DLC1: variants seen among roughly 807,000 people sequenced by gnomAD.
DLC1 encodes the protein DLC1 Rho GTPase activating protein, also known as rho GTPase-activating protein 7.
In DLC1, 54 loss-of-function variants were observed where a neutral mutation model predicts 140.3. That is an observed-to-expected ratio of 0.38 (90% CI 0.31 to 0.48). The LOEUF is 0.48. DLC1 is among the 20% of genes least tolerant of loss of function. The pLI, the probability that DLC1 is intolerant of heterozygous loss-of-function variation, is 0.96. For synonymous variants in DLC1, 986 were observed against 728.1 expected (o/e 1.35, Z -5.70); for missense variants, 2,536 against 1,907.0 (o/e 1.33, Z -6.14).
intron 1 of DLC1, among the ~76,000 whole-genome samples, chr8:13,583,539 A>T (rs181673341): frequency 6.6e-6 from 1 of 152,202 alleles, no homozygotes; most frequent in African/African-American, 2.4e-5. Flanking sequence ...AAAGTAATCC[A>T]GGAGGGTTGG....
chr8:13,135,848 C>T (rs1822530112), intron 5 of DLC1, among the ~76,000 whole-genome samples: 1 of 152,144 alleles, frequency 6.6e-6, no homozygotes, highest in African/African-American at 2.4e-5. Flanking sequence ...ATGCCACTGT[C>T]CCTGGATCTT....
At chr8:13,129,086 C>A (rs1358809755) in intron 5 of DLC1, among the ~76,000 whole-genome samples, 1 of 152,190 alleles carries the variant, frequency 6.6e-6, no homozygotes. Flanking sequence ...CCCTTCTCAG[C>A]TGGGAATCTA....
chr8:13,534,031 T>C (rs750157637), intron 1 of DLC1, among the ~76,000 whole-genome samples: 7 of 152,220 alleles, frequency 4.6e-5, no homozygotes, highest in Non-Finnish European at 8.8e-5. Flanking sequence ...GAAAATGGAC[T>C]AATACATGCT....
intron 1 of DLC1, among the ~76,000 whole-genome samples, chr8:13,598,857 C>CT (rs941069556): frequency 9.2e-5 from 14 of 151,424 alleles, no homozygotes; most frequent in Non-Finnish European, 1.6e-4. Flanking sequence ...TAATTTAAAA[C>CT]TTTTTTTTGG....
At chr8:13,598,905 C>G (rs892403575) in intron 1 of DLC1, among the ~76,000 whole-genome samples, 10 of 151,508 alleles carry the variant, frequency 6.6e-5, no homozygotes, top group African/African-American at 2.2e-4. Context: ...CTAATATTTT[C>G]ATTATTCTAA....
At chr8:13,391,878 C>G (rs182697608) in intron 4 of DLC1, among the ~76,000 whole-genome samples, 24 of 138,304 alleles carry the variant, frequency 1.7e-4, no homozygotes, top group East Asian at 9.6e-4. Context: ...AAAAAGTGAG[C>G]CCCACACCTG....
At chr8:13,497,380 A>G (rs926361984) in intron 2 of DLC1, among the ~76,000 whole-genome samples, 6 of 152,200 alleles carry the variant, frequency 3.9e-5, no homozygotes, top group Admixed American at 1.3e-4. Flanking sequence ...CATTTAATCT[A>G]TTTATTAGAA....
At chr8:13,493,644 A>C (rs1585200682) in intron 2 of DLC1, among the ~76,000 whole-genome samples, 1 of 152,326 alleles carries the variant, frequency 6.6e-6, no homozygotes, top group East Asian at 1.9e-4. Context: ...TATACTGTTA[A>C]ATATAATTAC....
At chr8:13,474,654 C>G (rs1412757049) in intron 2 of DLC1, among the ~76,000 whole-genome samples, 1 of 152,186 alleles carries the variant, frequency 6.6e-6, no homozygotes, top group Non-Finnish European at 1.5e-5. Flanking sequence ...GGTGGAGCCA[C>G]TCAAGATCAT....
chr8:13,228,096 T>A (rs1219179599), intron 5 of DLC1, among the ~76,000 whole-genome samples: 1 of 152,176 alleles, frequency 6.6e-6, no homozygotes, highest in Non-Finnish European at 1.5e-5. Flanking sequence ...ACTGTAAATC[T>A]GTATATAAAT....
At chr8:13,336,597 G>T (rs562450284) in intron 4 of DLC1, among the ~76,000 whole-genome samples, 1 of 152,148 alleles carries the variant, frequency 6.6e-6, no homozygotes, top group Admixed American at 6.5e-5. Flanking sequence ...CTATTGTGTG[G>T]TAGAAAAAAC....
chr8:13,502,273 C>G (rs553104090), intron 1 of DLC1, among the ~76,000 whole-genome samples: 17 of 152,196 alleles, frequency 1.1e-4, no homozygotes, highest in African/African-American at 3.9e-4. Context: ...TAAGATAAAT[C>G]CAATAAAGCA....
intron 5 of DLC1, among the ~76,000 whole-genome samples, chr8:13,301,329 T>G (rs1832182148): frequency 6.6e-6 from 1 of 152,218 alleles, no homozygotes; most frequent in Non-Finnish European, 1.5e-5. Flanking sequence ...GAAAGTGATC[T>G]TTCTTCTTCC....
At chr8:13,447,803 T>G (rs189738563) in intron 2 of DLC1, among the ~76,000 whole-genome samples, 1 of 152,330 alleles carries the variant, frequency 6.6e-6, no homozygotes, top group African/African-American at 2.4e-5. Flanking sequence ...TGTGTTTTTT[T>G]TCCTACCAGA....
intron 5 of DLC1, among the ~76,000 whole-genome samples, chr8:13,164,143 C>G (rs940897203): frequency 8.6e-5 from 13 of 151,998 alleles, no homozygotes; most frequent in Non-Finnish European, 1.5e-4. Flanking sequence ...CTAAAAAATA[C>G]AAGAATTAGC....
intron 5 of DLC1, among the ~76,000 whole-genome samples, chr8:13,187,716 A>G (rs1011516308): frequency 6.6e-5 from 10 of 152,304 alleles, no homozygotes; most frequent in Non-Finnish European, 1.5e-4. Flanking sequence ...AAATTAATCA[A>G]AATCATCCGG....
At chr8:13,511,905 C>T (rs1055963349) in intron 1 of DLC1, among the ~76,000 whole-genome samples, 18 of 152,000 alleles carry the variant, frequency 1.2e-4, no homozygotes, top group African/African-American at 4.3e-4. Flanking sequence ...CAATTTTTGA[C>T]CTATTTTAAG....
At chr8:13,137,597 GGTTTT>G (rs1237258761) in intron 5 of DLC1, among the ~76,000 whole-genome samples, 1 of 122,310 alleles carries the variant, frequency 8.2e-6, no homozygotes, top group African/African-American at 3.2e-5. Context: ...ATCAGTTTTT[GGTTTT>G]GTTTTTTTTT....
chr8:13,250,210 T>G (rs535790466), intron 5 of DLC1, among the ~76,000 whole-genome samples: 1 of 152,350 alleles, frequency 6.6e-6, no homozygotes, highest in South Asian at 2.1e-4. Context: ...TATTGCCTCT[T>G]TATTGCTTTC....
Sources: gnomAD v4.1 joint callset for allele counts (sites outside exome capture counted in the v4.1 genomes callset) on GRCh38, gnomAD v4.1.1 for gene constraint, MANE v1.5 for transcripts, NCBI Gene and HGNC (gene_info 2026-07-23, HGNC 2026-07-21) for gene names.